DCAF8L2: variants seen among roughly 807,000 people sequenced by gnomAD.
DCAF8L2 encodes DDB1 and CUL4 associated factor 8 like 2.
For synonymous variants in DCAF8L2, 200 were observed against 190.9 expected (o/e 1.05, Z -0.39); for missense variants, 430 against 490.7 (o/e 0.88, Z 1.17).
intron 1 of DCAF8L2, among the ~76,000 whole-genome samples, chrX:27,610,397 ATG>A (rs770584868): frequency 3.7e-5 from 4 of 108,353 alleles, no homozygotes; most frequent in South Asian, 3.9e-4. Flanking sequence ...CTGTGTGTGC[ATG>A]TGTGTGTGTG....
the DCAF8L2 span, among the ~76,000 whole-genome samples, chrX:27,473,559 G>A: frequency 9.0e-6 from 1 of 110,746 alleles, no homozygotes; most frequent in East Asian, 2.8e-4. Flanking sequence ...GAAGTTAAGT[G>A]CGTGTCTTCC....
At chrX:27,490,477 T>A in the DCAF8L2 span, among the ~76,000 whole-genome samples, 2 of 110,814 alleles carry the variant, frequency 1.8e-5, no homozygotes, top group South Asian at 7.6e-4. Context: ...TTGTTTTTTT[T>A]TGGAGACGGA....
At chrX:27,657,543 T>G (rs1929398764) in intron 2 of DCAF8L2, among the ~76,000 whole-genome samples, 1 of 111,957 alleles carries the variant, frequency 8.9e-6, no homozygotes, top group Admixed American at 9.5e-5. Flanking sequence ...AAAAGAATAC[T>G]TCTATATTTA....
intron 3 of DCAF8L2, among the ~76,000 whole-genome samples, chrX:27,709,563 A>G (rs1252286470): frequency 8.9e-6 from 1 of 111,944 alleles, no homozygotes; most frequent in Non-Finnish European, 1.9e-5. Flanking sequence ...TTCCACTCTT[A>G]AATGCTTATG....
the DCAF8L2 span, among the ~76,000 whole-genome samples, chrX:27,582,842 T>C: frequency 9.0e-6 from 1 of 111,064 alleles, no homozygotes; most frequent in Non-Finnish European, 1.9e-5. Flanking sequence ...TACATAACCA[T>C]GATATCAACA....
At chrX:27,538,482 C>T in the DCAF8L2 span, among the ~76,000 whole-genome samples, 1 of 110,691 alleles carries the variant, frequency 9.0e-6, no homozygotes, top group Non-Finnish European at 1.9e-5. Context: ...CAACCTCCGC[C>T]TCCCAGGTTC....
At chrX:27,604,203 T>C (rs1369353683) in intron 1 of DCAF8L2, among the ~76,000 whole-genome samples, 1 of 111,236 alleles carries the variant, frequency 9.0e-6, no homozygotes, top group Non-Finnish European at 1.9e-5. Context: ...TATGGGACTT[T>C]GGGGGCCTGA....
At chrX:27,702,972 G>A (rs1407910785) in intron 3 of DCAF8L2, among the ~76,000 whole-genome samples, 3 of 111,120 alleles carry the variant, frequency 2.7e-5, no homozygotes, top group Non-Finnish European at 5.7e-5. Context: ...GAAAACTATA[G>A]GAACTAATAG....
At chrX:27,586,485 G>A (rs1925906157), upstream of DCAF8L2, among the ~76,000 whole-genome samples, 1 of 111,116 alleles carries the variant, frequency 9.0e-6, no homozygotes, top group Non-Finnish European at 1.9e-5. Flanking sequence ...ATAATGGTAT[G>A]GTTTATTCAC....
chrX:27,483,800 T>C, the DCAF8L2 span, among the ~76,000 whole-genome samples: 78 of 111,288 alleles, frequency 7.0e-4, no homozygotes, highest in African/African-American at 2.4e-3. Flanking sequence ...CACGAAACAG[T>C]GTATTTCTCC....
intron 1 of DCAF8L2, among the ~76,000 whole-genome samples, chrX:27,594,232 T>C (rs2147110905): frequency 8.9e-6 from 1 of 111,892 alleles, no homozygotes; most frequent in Non-Finnish European, 1.9e-5. Context: ...CTGATAAAAA[T>C]AACTTACAAA....
chrX:27,698,293 C>T (rs753841388), intron 3 of DCAF8L2, among the ~76,000 whole-genome samples: 1 of 111,015 alleles, frequency 9.0e-6, no homozygotes, highest in African/African-American at 3.3e-5. Context: ...TGTTGCATCC[C>T]TTTTCTGTCT....
the DCAF8L2 span, among the ~76,000 whole-genome samples, chrX:27,561,137 A>G: frequency 2.7e-5 from 3 of 112,158 alleles, no homozygotes; most frequent in East Asian, 8.5e-4. Flanking sequence ...GACTCCTACA[A>G]TTTTAAGGGC....
intron 2 of DCAF8L2, among the ~76,000 whole-genome samples, chrX:27,671,240 G>T (rs988860551): frequency 8.9e-6 from 1 of 112,047 alleles, no homozygotes; most frequent in Admixed American, 9.5e-5. Flanking sequence ...GGTTGCTACT[G>T]AGTACCTTTC....
chrX:27,704,842 G>A (rs1365133642), intron 3 of DCAF8L2, among the ~76,000 whole-genome samples: 2 of 110,017 alleles, frequency 1.8e-5, no homozygotes, highest in Non-Finnish European at 3.8e-5. Flanking sequence ...TCAGGTTCAG[G>A]GGTAGATATG....
the DCAF8L2 span, among the ~76,000 whole-genome samples, chrX:27,568,096 G>C: frequency 7.2e-5 from 8 of 111,300 alleles, no homozygotes; most frequent in Non-Finnish European, 1.5e-4. Flanking sequence ...TGTTAGCATG[G>C]GTAACTGCAT....
the DCAF8L2 span, chrX:27,519,720 A>G: frequency 3.5e-6 from 2 of 571,657 alleles, no homozygotes; most frequent in South Asian, 2.3e-5. Context: ...TTAAGAAGCA[A>G]CTTCAGGCAT....
chrX:27,519,590 C>T, the DCAF8L2 span: 8 of 653,563 alleles, frequency 1.2e-5, no homozygotes, highest in Admixed American at 6.7e-5. Context: ...GTCATTCCTC[C>T]GACAGAAAAC....
At position 27,745,509 on chromosome X, in the gene DCAF8L2, G is replaced by T. The variant is rs764915110; in HGVS notation, c.-58-1329G>T. On this transcript the variant is annotated intron_variant, in intron 4 of 4. Transcript: ENST00000451261. The stretch of plus-strand genomic sequence containing the variant: ...TCCATTATTTATCCATGTTATTCTT[G>T]ATGGGCTTTTCAGTGGTTTTCAGTT... Among the ~76,000 whole-genome samples, 9 of 111,942 alleles carry T rather than the reference G, an allele frequency of 8.0e-5. No homozygotes were observed. The East Asian group carries it at 2.5e-3, about 32-fold the overall frequency.
Sources: gnomAD v4.1 joint callset for allele counts (sites outside exome capture counted in the v4.1 genomes callset) on GRCh38, gnomAD v4.1.1 for gene constraint, MANE v1.5 for transcripts, NCBI Gene and HGNC (gene_info 2026-07-23, HGNC 2026-07-21) for gene names.